The following TFCP2L1 variants were observed in gnomAD, a reference collection of about 807,000 sequenced individuals.
TFCP2L1 encodes transcription factor CP2 like 1.
TFCP2L1 carries 12 observed loss-of-function variants against 72.2 expected under a neutral mutation model. The observed-to-expected ratio is 0.17, with a 90% CI of 0.11 to 0.27. TFCP2L1 has a LOEUF of 0.27. Ranked by LOEUF, TFCP2L1 falls within the 10% of genes least tolerant of loss-of-function variation. The pLI, the probability that TFCP2L1 is intolerant of heterozygous loss-of-function variation, is 1.00. For missense variants in TFCP2L1, 488 were observed against 624.6 expected, an observed-to-expected ratio of 0.78 and a Z score of 2.33; for synonymous variants, 260 against 251.0, an observed-to-expected ratio of 1.04 and a Z score of -0.34.
At chr2:121,244,944 G>A (rs1686451311) in intron 6 of TFCP2L1, among the ~76,000 whole-genome samples, 1 of 152,136 alleles carries the variant, frequency 6.6e-6, no homozygotes, top group South Asian at 2.1e-4. Flanking sequence ...GGGCCGCCAC[G>A]CCCACTGCTT....
chr2:121,242,083 CAAAAAAAAA>C (rs541937558), intron 7 of TFCP2L1, among the ~76,000 whole-genome samples: 28 of 65,492 alleles, frequency 4.3e-4, no homozygotes, highest in African/African-American at 8.8e-4. Flanking sequence ...ATTACCTACT[CAAAAAAAAA>C]AAAAAAAAAA....
chr2:121,251,464 T>G (rs1686612487), intron 2 of TFCP2L1, among the ~76,000 whole-genome samples: 1 of 152,236 alleles, frequency 6.6e-6, no homozygotes, highest in Non-Finnish European at 1.5e-5. Flanking sequence ...TAGCTATTTA[T>G]TTCAGAGTGC....
intron 2 of TFCP2L1, among the ~76,000 whole-genome samples, chr2:121,255,832 T>A (rs561222343): frequency 1.9e-4 from 29 of 151,688 alleles, no homozygotes; most frequent in Non-Finnish European, 3.2e-4. Flanking sequence ...AAGCTCTGCC[T>A]CCCGGGTTCA....
At chr2:121,253,584 A>G (rs1375977865) in intron 2 of TFCP2L1, among the ~76,000 whole-genome samples, 1 of 152,184 alleles carries the variant, frequency 6.6e-6, no homozygotes, top group Non-Finnish European at 1.5e-5. Flanking sequence ...CGGGTGCCAC[A>G]GGGCCCAGTT....
At chr2:121,237,550 G>A in intron 10 of TFCP2L1, 73 bp downstream of exon 10, 1 of 1,530,446 alleles carries the variant, frequency 6.5e-7, no homozygotes, top group Non-Finnish European at 9.0e-7. Flanking sequence ...TGACAGCAAG[G>A]CCTGGAAGGT....
chr2:121,242,350 C>A lies in TFCP2L1; in HGVS notation c.768+9G>T, dbSNP rs753944208. The A allele has an allele frequency of 6.2e-7, 1 of 1,613,228 alleles. No homozygotes were observed. Among genetic ancestry groups the A allele is most frequent in the South Asian group, 1.1e-5 (1 of 91,078 alleles). ...TTGGAGGCTCTGTCCCCGCACCCAG[C>A]CGGCTCACCTCTGTGAGGATGGTGG... is the stretch of plus-strand genomic sequence containing the variant. On this transcript the variant is annotated intron_variant, in intron 7 of 14. Transcript: ENST00000263707.
At chr2:121,267,224 T>G (rs919494439) in intron 2 of TFCP2L1, among the ~76,000 whole-genome samples, 2 of 152,052 alleles carry the variant, frequency 1.3e-5, no homozygotes, top group Non-Finnish European at 2.9e-5. Context: ...GGCCACAATA[T>G]TTATTATTTT....
In TFCP2L1 at chr2:121,237,830, G is replaced by A. The variant is rs369700459; in HGVS notation, c.881C>T (p.Pro294Leu). 14 of 1,614,088 alleles carry A rather than the reference G, an allele frequency of 8.7e-6. No homozygotes were observed. The highest frequency in any genetic ancestry group is 1.3e-5 in the African/African-American group (1 of 75,054). The change falls in exon 9 of 15, where the codon CCG becomes CTG. Residue 294 changes from proline (P) to leucine (L), a missense_variant. This residue lies in a region of TFCP2L1 where 286 missense variants were observed against 329.0 expected (regional missense o/e 0.87). Coordinates refer to ENST00000263707, the MANE Select transcript of TFCP2L1 (RefSeq NM_014553.3). ...LGEGNASPTH[P>L]VEALPVGSDH... ...ACTGCCCACGGGCAGGGCCTCCACC[G>A]GGTGGGTCGGAGAGGCGTTGCTGCA...
At position 121,231,984 on chromosome 2, in the gene TFCP2L1, G is replaced by A; in HGVS notation, c.1199-16C>T. On this transcript the variant is annotated splice_polypyrimidine_tract_variant and intron_variant, in intron 12 of 14. Coordinates refer to ENST00000263707, the MANE Select transcript of TFCP2L1 (RefSeq NM_014553.3). ...GCGTGGTACACTGGGGGAAGGAGGA[G>A]CAAGTGCTGCTTTCCAAGTGGCCAT... is the stretch of plus-strand genomic sequence containing the variant. The A allele has an allele frequency of 6.4e-7, 1 of 1,563,620 alleles. No homozygotes were observed.
chr2:121,263,166 C>A (rs981702399), intron 2 of TFCP2L1, among the ~76,000 whole-genome samples: 1 of 152,130 alleles, frequency 6.6e-6, no homozygotes, highest in Admixed American at 6.5e-5. Context: ...AACTTTCCGA[C>A]CTCAGGTGAT....
rs1035854918 is a variant in TFCP2L1, at chr2:121,248,955, C to A, written c.397+27G>T. 14 of 1,537,448 alleles carry A rather than the reference C, an allele frequency of 9.1e-6. No homozygotes were observed. In the African/African-American group the frequency reaches 1.9e-4, roughly 21 times the overall value. ...GTGGCCTGGGTGCCTCGAGCCTTGC[C>A]TGGCCTCTCCTGGCCAGGAGACTCA... is the stretch of plus-strand genomic sequence containing the variant. On this transcript the variant is annotated intron_variant, in intron 4 of 14. Coordinates refer to ENST00000263707, the MANE Select transcript of TFCP2L1 (RefSeq NM_014553.3).
rs145003582 is a variant in TFCP2L1 at position 121,285,086 on chromosome 2, G to A, written c.24C>T (p.Pro8=). 2.6e-6 allele frequency: 4 copies of A among 1,523,892 alleles called. No individual in the cohort carries two copies. Among genetic ancestry groups the A allele is most frequent in the South Asian group, 2.5e-5 (2 of 80,730 alleles). The allele number at this position is 1,523,892 out of a possible 1,614,324, so 94.4% of individuals were successfully genotyped here. The change falls in exon 1 of 15, where the codon CCC becomes CCT. Residue 8 remains proline, a synonymous_variant. Coordinates refer to ENST00000263707, the MANE Select transcript of TFCP2L1 (RefSeq NM_014553.3). MLFWHTQ[P]EHYNQHNSGS... ...CGGAGTTGTGCTGGTTGTAGTGCTC[G>A]GGCTGCGTGTGCCAGAAGAGCATGG...
intron 7 of TFCP2L1, chr2:121,240,634 C>T: frequency 1.0e-6 from 1 of 985,408 alleles, no homozygotes; most frequent in Non-Finnish European, 1.2e-6. Flanking sequence ...TGGCATGTGG[C>T]TCACCAGGAC....
rs552430300 is a variant in TFCP2L1 at position 121,285,164 on chromosome 2, C to G, written c.-55G>C. On this transcript the variant is annotated 5_prime_UTR_variant, in exon 1 of 15. Transcript: ENST00000263707. ...CGCGGCAGCAAGCGCAGACGCGGGG[C>G]GCGCCGAGGACCCAGCGGCGGCTTC... 8.6e-6 allele frequency: 12 copies of G among 1,399,502 alleles called. No individual in the cohort carries two copies. In the Admixed American group the frequency reaches 1.9e-4, roughly 22 times the overall value. 86.7% of individuals were successfully genotyped at this position (1,399,502 alleles called of 1,614,324 possible). A position where few individuals can be genotyped will look rare whatever the true frequency, so the allele number is the denominator to read the frequency against.
chr2:121,268,776 T>C (rs1323359778), intron 2 of TFCP2L1, among the ~76,000 whole-genome samples: 2 of 150,014 alleles, frequency 1.3e-5, no homozygotes, highest in African/African-American at 4.9e-5. Flanking sequence ...CAGGCTGGCA[T>C]TTGAGGGAAT....
chr2:121,224,237 C>A lies in TFCP2L1; in HGVS notation c.*104G>T, dbSNP rs1166488643. The A allele has an allele frequency of 1.4e-6, 2 of 1,381,702 alleles. No individual in the cohort carries two copies. The highest frequency in any genetic ancestry group is 1.4e-5 in the African/African-American group (1 of 70,670). The allele number at this position is 1,381,702 out of a possible 1,614,324, so 85.6% of individuals were successfully genotyped here. A position where few individuals can be genotyped will look rare whatever the true frequency, so the allele number is the denominator to read the frequency against. On this transcript the variant is annotated 3_prime_UTR_variant, in exon 15 of 15. Transcript: ENST00000263707. The stretch of plus-strand genomic sequence containing the variant: ...ACAGACTGGGCAGGGTCCCTCCTGG[C>A]CTCAGCTTGCCTGGTGAGGCCACAG...
intron 5 of TFCP2L1, 119 bp downstream of exon 5, chr2:121,248,045 C>T: frequency 1.4e-6 from 1 of 722,130 alleles, no homozygotes; most frequent in Non-Finnish European, 2.2e-6. Context: ...GTTTCCTTCC[C>T]AGTGACAGGG....
chr2:121,272,161 C>T lies in TFCP2L1; in HGVS notation c.214+8959G>A, dbSNP rs1371073426. Reference sequence around the variant, plus strand: ...ATTATTGCACCCCACTTCAATCACTCTCCTGGCTTTCAAACTTACATGATA... The same window carrying T: ...ATTATTGCACCCCACTTCAATCACTTTCCTGGCTTTCAAACTTACATGATA... On this transcript the variant is annotated intron_variant, in intron 2 of 14. Coordinates refer to ENST00000263707, the MANE Select transcript of TFCP2L1 (RefSeq NM_014553.3). Among the ~76,000 whole-genome samples, 4 of 152,206 alleles carry T rather than the reference C, an allele frequency of 2.6e-5. No homozygotes were observed. The South Asian group carries it at 6.2e-4, about 24-fold the overall frequency.
In TFCP2L1 at chr2:121,248,688, G is replaced by A. The variant is rs78362297; in HGVS notation, c.397+294C>T. ...ATCTATCTCTGTGATGCTCACGGTT[G>A]TCTTCAACACTTATCAAAATCCTTT... On this transcript the variant is annotated intron_variant, in intron 4 of 14. Coordinates refer to ENST00000263707, the MANE Select transcript of TFCP2L1 (RefSeq NM_014553.3). Among the ~76,000 whole-genome samples, 1,416 of 152,282 alleles carry A rather than the reference G, an allele frequency of 9.3e-3. 24 individuals are homozygous for A. The highest frequency in any genetic ancestry group is 0.032 in the African/African-American group (1,343 of 41,548).
Sources: allele counts gnomAD v4.1 joint callset (sites outside exome capture counted in the v4.1 genomes callset), GRCh38; gene constraint gnomAD v4.1.1; regional missense constraint gnomAD v4.1.1; transcripts MANE v1.5; gene names NCBI Gene and HGNC (gene_info 2026-07-23, HGNC 2026-07-21).